The following UTRN variants were observed in gnomAD, a reference collection of about 807,000 sequenced individuals.
UTRN encodes the protein dystrophin-related protein 1.
Under a neutral mutation model 463.9 loss-of-function variants are expected in UTRN, and 283 were observed. The observed-to-expected ratio is 0.61, with a 90% CI of 0.55 to 0.67. The LOEUF (loss-of-function observed/expected upper bound fraction) is 0.67. Among genes scored for constraint, UTRN ranks in the 30% least tolerant of loss-of-function variants. The probability of loss-of-function intolerance (pLI) is 0.00; values close to 1 mark genes in which losing one functional copy is unlikely to be tolerated. For synonymous variants in UTRN, 1,442 were observed against 1,431.5 expected (o/e 1.01, Z -0.17); for missense variants, 3,922 against 4,084.3 (o/e 0.96, Z 1.08).
chr6:144,429,766 G>GT (rs1199827144), intron 9 of UTRN, 25 bp downstream of exon 9: 1 of 1,595,032 alleles, frequency 6.3e-7, no homozygotes. Flanking sequence ...TTATTAAGAT[G>GT]TTTGGCTTGC....
At chr6:144,559,088 G>A (rs543150730) in intron 50 of UTRN, among the ~76,000 whole-genome samples, 24 of 150,890 alleles carry the variant, frequency 1.6e-4, no homozygotes, top group African/African-American at 5.4e-4. Flanking sequence ...GCTTTATTTA[G>A]CACCTCCAAT....
At chr6:144,447,138 A>G in intron 14 of UTRN, 73 bp from the exon 15 acceptor site, 1 of 1,404,286 alleles carries the variant, frequency 7.1e-7, no homozygotes, top group Non-Finnish European at 9.8e-7. Flanking sequence ...AAAGTTAGAA[A>G]TTTGGATGCA....
intron 35 of UTRN, among the ~76,000 whole-genome samples, chr6:144,512,012 T>C (rs1795218674): frequency 6.6e-6 from 1 of 152,140 alleles, no homozygotes; most frequent in Non-Finnish European, 1.5e-5. Flanking sequence ...TTCCTCAGGA[T>C]GTGTAGGGCA....
intron 51 of UTRN, among the ~76,000 whole-genome samples, chr6:144,651,634 A>G (rs956567140): frequency 6.6e-6 from 1 of 152,224 alleles, no homozygotes; most frequent in African/African-American, 2.4e-5. Context: ...TGCTTTTCAG[A>G]CTATCATAGT....
chr6:144,554,281 A>G (rs911614812), intron 48 of UTRN, among the ~76,000 whole-genome samples: 2 of 152,240 alleles, frequency 1.3e-5, no homozygotes, highest in Non-Finnish European at 2.9e-5. Context: ...CTTTGAGGGT[A>G]ACAGGTGACT....
intron 2 of UTRN, among the ~76,000 whole-genome samples, chr6:144,329,085 T>A: frequency 1.0e-5 from 1 of 97,614 alleles, no homozygotes; most frequent in East Asian, 2.2e-4. Context: ...GCACCTGGCC[T>A]TTTTTTTTTT....
intron 53 of UTRN, among the ~76,000 whole-genome samples, chr6:144,728,256 G>A (rs115485184): frequency 4.5e-4 from 68 of 151,896 alleles, no homozygotes; most frequent in African/African-American, 1.5e-3. Flanking sequence ...TTTTCATGTC[G>A]TTATTATATA....
chr6:144,561,508 G>A (rs1320215435), intron 50 of UTRN, among the ~76,000 whole-genome samples: 1 of 151,826 alleles, frequency 6.6e-6, no homozygotes, highest in Non-Finnish European at 1.5e-5. Flanking sequence ...TAGTTTCTTA[G>A]AAATCACTAA....
chr6:144,781,438 T>A (rs757748992), intron 60 of UTRN, among the ~76,000 whole-genome samples: 7 of 152,178 alleles, frequency 4.6e-5, no homozygotes, highest in Admixed American at 1.3e-4. Flanking sequence ...ATTTTGTATG[T>A]AATGATGTAC....
intron 6 of UTRN, among the ~76,000 whole-genome samples, chr6:144,425,674 A>G (rs917284475): frequency 1.1e-4 from 16 of 152,084 alleles, no homozygotes; most frequent in African/African-American, 3.6e-4. Context: ...ACATTTGCAT[A>G]GGTTTATGAT....
At chr6:144,683,895 G>A (rs981030489) in intron 52 of UTRN, among the ~76,000 whole-genome samples, 2 of 152,054 alleles carry the variant, frequency 1.3e-5, no homozygotes, top group African/African-American at 2.4e-5. Context: ...GCCTCATTGT[G>A]ACTCATTAAG....
chr6:144,395,841 C>A (rs1782357261), intron 2 of UTRN, among the ~76,000 whole-genome samples: 1 of 152,042 alleles, frequency 6.6e-6, no homozygotes, highest in Admixed American at 6.6e-5. Context: ...GTCAGTCTTA[C>A]ACTAGGATGG....
chr6:144,534,677 C>G (rs1797372586), intron 43 of UTRN, among the ~76,000 whole-genome samples: 1 of 152,112 alleles, frequency 6.6e-6, no homozygotes, highest in African/African-American at 2.4e-5. Context: ...TTATTGAGCT[C>G]TATGTTTAGC....
intron 64 of UTRN, among the ~76,000 whole-genome samples, chr6:144,800,418 T>C (rs917104635): frequency 5.3e-5 from 8 of 152,216 alleles, no homozygotes; most frequent in Admixed American, 2.6e-4. Flanking sequence ...TTTCTGCTAG[T>C]ACTATCAAAT....
intron 51 of UTRN, among the ~76,000 whole-genome samples, chr6:144,658,834 G>T (rs544920133): frequency 1.5e-4 from 23 of 152,302 alleles, no homozygotes; most frequent in African/African-American, 5.5e-4. Flanking sequence ...TTAAAGCGAT[G>T]ACACTTAAAA....
At chr6:144,812,323 G>A (rs1456697726) in intron 65 of UTRN, among the ~76,000 whole-genome samples, 9 of 152,094 alleles carry the variant, frequency 5.9e-5, no homozygotes, top group Non-Finnish European at 1.3e-4. Flanking sequence ...TAGTAAAGCC[G>A]TTTATTCAAG....
intron 3 of UTRN, among the ~76,000 whole-genome samples, chr6:144,419,247 G>A (rs1304799163): frequency 2.6e-5 from 4 of 152,230 alleles, no homozygotes; most frequent in Non-Finnish European, 5.9e-5. Context: ...CCTCTGGAAA[G>A]TGGCCCCTGC....
chr6:144,425,717 A>G (rs935170965), intron 6 of UTRN, among the ~76,000 whole-genome samples: 4 of 152,154 alleles, frequency 2.6e-5, no homozygotes. Context: ...TGTTCAAGTC[A>G]TCCTAGATTT....
At position 144,308,476 on chromosome 6, in the gene UTRN, A is replaced by G. The variant is rs546790724; in HGVS notation, c.79+16569A>G. On this transcript the variant is annotated intron_variant, in intron 2 of 74. Transcript: ENST00000367545. ...GGCTAATTTTTGTATTTTTTTTTGT[A>G]GATAAGAGGTTTCACCATGTTGCCC... Among the ~76,000 whole-genome samples, 8 of 151,718 alleles carry G rather than the reference A, an allele frequency of 5.3e-5. No homozygotes were observed. The South Asian group carries it at 1.7e-3, about 32-fold the overall frequency.
Sources: allele counts gnomAD v4.1 joint callset (sites outside exome capture counted in the v4.1 genomes callset), GRCh38; gene constraint gnomAD v4.1.1; transcripts MANE v1.5; gene names NCBI Gene and HGNC (gene_info 2026-07-23, HGNC 2026-07-21).